EFCAB11: variants seen among roughly 807,000 people sequenced by gnomAD.
The protein encoded by EFCAB11 is EF-hand calcium-binding domain-containing protein 11.
Under a neutral mutation model 23.0 loss-of-function variants are expected in EFCAB11, and 14 were observed. The observed-to-expected ratio is 0.61, with a 90% CI of 0.40 to 0.95. EFCAB11 has a LOEUF of 0.95. Among genes scored for constraint, EFCAB11 ranks in the 40% least tolerant of loss-of-function variants. The pLI, the probability that EFCAB11 is intolerant of heterozygous loss-of-function variation, is 0.00. For missense variants in EFCAB11, 198 were observed against 195.8 expected (o/e 1.01, Z -0.07); for synonymous variants, 65 against 66.6 (o/e 0.98, Z 0.11).
At chr14:89,842,243 G>A (rs923068692) in intron 5 of EFCAB11, among the ~76,000 whole-genome samples, 4 of 152,144 alleles carry the variant, frequency 2.6e-5, no homozygotes, top group African/African-American at 9.7e-5. Context: ...ACCCCTAGTG[G>A]GTCTCCCCTG....
chr14:89,930,226 T>C (rs1335246807), intron 5 of EFCAB11, among the ~76,000 whole-genome samples: 1 of 152,250 alleles, frequency 6.6e-6, no homozygotes, highest in East Asian at 1.9e-4. Flanking sequence ...GAATTTCATA[T>C]ATGTCACTGT....
chr14:89,916,008 C>T (rs926817209), intron 5 of EFCAB11, among the ~76,000 whole-genome samples: 1 of 152,006 alleles, frequency 6.6e-6, no homozygotes, highest in Non-Finnish European at 1.5e-5. Flanking sequence ...CCACACCTAG[C>T]AATGGATACC....
intron 5 of EFCAB11, among the ~76,000 whole-genome samples, chr14:89,917,087 T>TGC (rs1889873113): frequency 7.7e-6 from 1 of 130,202 alleles, no homozygotes; most frequent in Non-Finnish European, 1.5e-5. Context: ...TGTGTGTGTG[T>TGC]GTGTGTGTGT....
At chr14:89,918,064 T>C (rs1041878523) in intron 5 of EFCAB11, among the ~76,000 whole-genome samples, 3 of 151,992 alleles carry the variant, frequency 2.0e-5, no homozygotes, top group Non-Finnish European at 2.9e-5. Flanking sequence ...AGGTACTTAG[T>C]TGGGGAGAGC....
chr14:89,825,160 G>A (rs1374122507), intron 5 of EFCAB11, among the ~76,000 whole-genome samples: 4 of 145,832 alleles, frequency 2.7e-5, no homozygotes, highest in East Asian at 2.0e-4. Flanking sequence ...ATTGAATAAC[G>A]GAATGAAATT....
intron 5 of EFCAB11, among the ~76,000 whole-genome samples, chr14:89,890,054 A>G (rs113697135): frequency 0.03 from 4,580 of 152,322 alleles, 99 homozygotes; most frequent in African/African-American, 0.062. Context: ...GGACACAGTT[A>G]ATCAATTATT....
chr14:89,810,923 T>C (rs540153140), intron 5 of EFCAB11, among the ~76,000 whole-genome samples: 1 of 152,196 alleles, frequency 6.6e-6, no homozygotes, highest in South Asian at 2.1e-4. Context: ...GAGAATTCTA[T>C]AAGCAAAATT....
At chr14:89,881,501 G>A (rs917600090) in intron 5 of EFCAB11, among the ~76,000 whole-genome samples, 79 of 47,556 alleles carry the variant, frequency 1.7e-3, no homozygotes, top group African/African-American at 6.5e-3. Flanking sequence ...AGGCTGGAGT[G>A]CAGTGGTATA....
chr14:89,927,258 C>T (rs181308833), intron 5 of EFCAB11, among the ~76,000 whole-genome samples: 5 of 152,252 alleles, frequency 3.3e-5, no homozygotes, highest in Admixed American at 1.3e-4. Context: ...CAAGTACTTC[C>T]GAAAGAGCCT....
chr14:89,865,426 C>A (rs1426656764), intron 5 of EFCAB11, among the ~76,000 whole-genome samples: 1 of 151,856 alleles, frequency 6.6e-6, no homozygotes, highest in South Asian at 2.1e-4. Flanking sequence ...GAGTCCTGGG[C>A]GTCTGAAGAG....
At chr14:89,950,462 T>C (rs1394385239) in intron 2 of EFCAB11, among the ~76,000 whole-genome samples, 3 of 152,192 alleles carry the variant, frequency 2.0e-5, no homozygotes, top group Non-Finnish European at 4.4e-5. Context: ...CTTTCTACTT[T>C]AGACAAATAC....
At chr14:89,898,360 TTTTTG>T (rs955911703) in intron 5 of EFCAB11, among the ~76,000 whole-genome samples, 10 of 148,940 alleles carry the variant, frequency 6.7e-5, no homozygotes, top group Admixed American at 5.4e-4. Context: ...CTCGTTTTTG[TTTTTG>T]TTTTGTTTTG....
chr14:89,941,290 G>T (rs117017370), intron 3 of EFCAB11, among the ~76,000 whole-genome samples: 121 of 152,312 alleles, frequency 7.9e-4, no homozygotes, highest in Admixed American at 1.8e-3. Context: ...AACAACTATA[G>T]AGAACATGGT....
chr14:89,927,715 ATG>A (rs1890238486), intron 5 of EFCAB11, among the ~76,000 whole-genome samples: 3 of 150,936 alleles, frequency 2.0e-5, no homozygotes, highest in Admixed American at 6.7e-5. Flanking sequence ...TTCCTTTAAT[ATG>A]TGTTATTCTT....
At chr14:89,872,087 C>T (rs925350832) in intron 5 of EFCAB11, among the ~76,000 whole-genome samples, 1 of 152,216 alleles carries the variant, frequency 6.6e-6, no homozygotes, top group African/African-American at 2.4e-5. Flanking sequence ...AAGAAAGTTT[C>T]AGGGGCTCCA....
chr14:89,949,455 C>T, intron 3 of EFCAB11, among the ~76,000 whole-genome samples: 1 of 152,162 alleles, frequency 6.6e-6, no homozygotes, highest in East Asian at 1.9e-4. Flanking sequence ...ATCTCTACCT[C>T]CTCAGTTCAA....
chr14:89,898,666 CTTTTTTTTTTT>C (rs36098790), intron 5 of EFCAB11, among the ~76,000 whole-genome samples: 1 of 121,058 alleles, frequency 8.3e-6, no homozygotes, highest in African/African-American at 3.2e-5. Flanking sequence ...CGCCTGGCCT[CTTTTTTTTTTT>C]TTTTTTTTTA....
At chr14:89,878,077 G>C (rs1002713543) in intron 5 of EFCAB11, among the ~76,000 whole-genome samples, 7 of 152,200 alleles carry the variant, frequency 4.6e-5, no homozygotes, top group African/African-American at 1.7e-4. Context: ...AAATGGATAG[G>C]GGAAAAAACA....
chr14:89,929,954 A>T (rs1890333256), intron 5 of EFCAB11, among the ~76,000 whole-genome samples: 1 of 152,212 alleles, frequency 6.6e-6, no homozygotes. Context: ...TCATATTTGG[A>T]CAACTGGTCT....
Sources: gnomAD v4.1 joint callset for allele counts (sites outside exome capture counted in the v4.1 genomes callset) on GRCh38, gnomAD v4.1.1 for gene constraint, MANE v1.5 for transcripts, NCBI Gene and HGNC (gene_info 2026-07-23, HGNC 2026-07-21) for gene names.